The following IWS1 variants were observed in gnomAD, a reference collection of about 807,000 sequenced individuals.
IWS1 encodes protein IWS1 homolog.
In IWS1, 27 loss-of-function variants were observed where a neutral mutation model predicts 86.7. The ratio of observed to expected loss-of-function variants is 0.31; its 90% CI spans 0.23 to 0.43. The LOEUF is 0.43. Among genes scored for constraint, IWS1 ranks in the 20% least tolerant of loss-of-function variants. IWS1 has a pLI of 1.00. For missense variants in IWS1, 827 were observed against 1,000.8 expected (o/e 0.83, Z 2.34); for synonymous variants, 313 against 335.1 (o/e 0.93, Z 0.72).
chr2:127,517,364 T>C (rs1179086273), intron 2 of IWS1, among the ~76,000 whole-genome samples: 4 of 152,216 alleles, frequency 2.6e-5, no homozygotes, highest in African/African-American at 9.6e-5. Flanking sequence ...GCAATAGTAG[T>C]TAATACACTA....
Position 127,526,277 on chromosome 2 carries a change from T to C in IWS1, c.-69A>G. Reference sequence around the variant, plus strand: ...CCCCGTCACCTCCTTCCAGGCGGTGTGACCCCGGATGGCGCGGCTAAGTGT... The same window carrying C: ...CCCCGTCACCTCCTTCCAGGCGGTGCGACCCCGGATGGCGCGGCTAAGTGT... On this transcript the variant is annotated 5_prime_UTR_variant, in exon 1 of 14. Coordinates refer to ENST00000295321, the MANE Select transcript of IWS1 (RefSeq NM_017969.3). The C allele has an allele frequency of 6.5e-7, 1 of 1,546,124 alleles. No individual in the cohort carries two copies. The highest frequency in any genetic ancestry group is 8.7e-7 in the Non-Finnish European group (1 of 1,147,108).
chr2:127,490,646 G>A (rs1690178095), intron 10 of IWS1, among the ~76,000 whole-genome samples: 1 of 152,154 alleles, frequency 6.6e-6, no homozygotes, highest in African/African-American at 2.4e-5. Context: ...GGGGGTCCAC[G>A]TATCTTTTAA....
At position 127,526,319 on chromosome 2, in the gene IWS1, G is replaced by A. The variant is rs1692412988; in HGVS notation, c.-111C>T. On this transcript the variant is annotated 5_prime_UTR_variant, in exon 1 of 14. Transcript: ENST00000295321. ...GCTAAGTGTTCAGAGACTGCCGCCC[G>A]ACCGGAGAACTTAACGGGTGCGGAG... 2 of 1,540,202 alleles carry A rather than the reference G, an allele frequency of 1.3e-6. No individual in the cohort carries two copies. Among genetic ancestry groups the A allele is most frequent in the South Asian group, 1.2e-5 (1 of 83,944 alleles).
At chr2:127,526,043 G>T in intron 1 of IWS1, 132 bp downstream of exon 1, 1 of 795,520 alleles carries the variant, frequency 1.3e-6, no homozygotes, top group South Asian at 1.7e-5. Context: ...GAGGGCTCTT[G>T]CCCTCCTCGG....
intron 8 of IWS1, among the ~76,000 whole-genome samples, chr2:127,494,240 C>T (rs1263120961): frequency 3.6e-4 from 26 of 73,132 alleles, no homozygotes; most frequent in African/African-American, 1.4e-3. Flanking sequence ...GATCCTGTCT[C>T]TAATTAAAAA....
At chr2:127,517,036 A>G (rs948943771) in intron 2 of IWS1, among the ~76,000 whole-genome samples, 1 of 152,240 alleles carries the variant, frequency 6.6e-6, no homozygotes, top group African/African-American at 2.4e-5. Context: ...ATCAAAGAGA[A>G]TAACATAAAT....
chr2:127,512,450 C>T (rs1306093562), intron 2 of IWS1, among the ~76,000 whole-genome samples: 1 of 152,178 alleles, frequency 6.6e-6, no homozygotes, highest in Non-Finnish European at 1.5e-5. Context: ...ATCTGTCCTA[C>T]CACAAAAGGT....
At chr2:127,494,268 CA>C (rs1248349574) in intron 8 of IWS1, among the ~76,000 whole-genome samples, 1 of 85,424 alleles carries the variant, frequency 1.2e-5, no homozygotes, top group Non-Finnish European at 2.5e-5. Context: ...AAAAAAAAAG[CA>C]AATCAATGAA....
At chr2:127,521,275 A>AATAT (rs991309773) in intron 2 of IWS1, among the ~76,000 whole-genome samples, 6 of 152,164 alleles carry the variant, frequency 3.9e-5, no homozygotes, top group African/African-American at 1.4e-4. Flanking sequence ...AAAGACACAA[A>AATAT]ATATATATAA....
At chr2:127,511,053 G>A (rs1204968640) in intron 2 of IWS1, 2 of 152,162 alleles carry the variant, frequency 1.3e-5, no homozygotes, top group South Asian at 2.1e-4. Context: ...CTAACTTTGC[G>A]CCTTTACAAA....
intron 4 of IWS1, 87 bp from the exon 5 acceptor site, chr2:127,502,959 A>G: frequency 1.3e-6 from 1 of 760,798 alleles, no homozygotes; most frequent in Non-Finnish European, 2.3e-6. Context: ...ATTTATGTAC[A>G]GTAAAATGTG....
At chr2:127,482,065 T>C (rs750230213) in intron 13 of IWS1, among the ~76,000 whole-genome samples, 21 of 152,214 alleles carry the variant, frequency 1.4e-4, no homozygotes, top group Non-Finnish European at 2.6e-4. Context: ...TTGCTGACTC[T>C]GTTGTAAAAC....
rs1346400517 is a variant in IWS1, at chr2:127,504,920, T to C, written c.983A>G (p.Glu328Gly). Residue 328 changes from glutamate to glycine, a missense_variant, in exon 3 of 14, where the codon GAG (glutamate) becomes GGG (glycine). Transcript: ENST00000295321. ...EDASRHKQKP[E>G]SDDDSDRENK... is the part of the protein sequence containing the mutation. ...CTCCCTGTCGCTGTCATCATCTGAC[T>C]CTGGCTTCTGTTTGTGTCTGGACGC... The C allele has an allele frequency of 1.2e-6, 2 of 1,614,222 alleles. No individual in the cohort carries two copies. Among genetic ancestry groups the C allele is most frequent in the South Asian group, 1.1e-5 (1 of 91,088 alleles).
chr2:127,518,064 G>C (rs1311649174), intron 2 of IWS1, among the ~76,000 whole-genome samples: 2 of 152,198 alleles, frequency 1.3e-5, no homozygotes, highest in Non-Finnish European at 2.9e-5. Flanking sequence ...GGGGTGGGGA[G>C]GGGTAGGCAA....
chr2:127,526,428 G>T lies in IWS1; in HGVS notation c.-220C>A, dbSNP rs565971619. 5.9e-6 allele frequency: 9 copies of T among 1,535,644 alleles called. No individual in the cohort carries two copies. Among genetic ancestry groups the T allele is most frequent in the Non-Finnish European group, 7.9e-6 (9 of 1,144,558 alleles). ...GGCCGTACCCGGCAGGCTGGCGGGC[G>T]GGCAGGCATGCGAGCCGGCGTTCTA... On this transcript the variant is annotated 5_prime_UTR_variant, in exon 1 of 14. Coordinates refer to ENST00000295321, the MANE Select transcript of IWS1 (RefSeq NM_017969.3).
chr2:127,505,618 A>T lies in IWS1; in HGVS notation c.285T>A (p.Ser95=), dbSNP rs1691100071. Residue 95 remains serine (S), a synonymous_variant, in exon 3 of 14, where the codon TCT becomes TCA. Coordinates refer to ENST00000295321, the MANE Select transcript of IWS1 (RefSeq NM_017969.3). This position sits in a 1 kb window ranked among gnomAD's most constrained non-coding sequence, Gnocchi z 5.0. ...EELHRQKDSD[S]ESEERAEPPA... ...GAGGCTCTGCACGTTCCTCAGATTC[A>T]GAGTCGCTGTCCTTTTGCCTGTGAA... 2 of 1,613,430 alleles carry T rather than the reference A, an allele frequency of 1.2e-6. No individual in the cohort carries two copies. The highest frequency in any genetic ancestry group is 2.7e-5 in the African/African-American group (2 of 74,712).
chr2:127,519,634 C>A (rs945034378), intron 2 of IWS1, among the ~76,000 whole-genome samples: 64 of 151,898 alleles, frequency 4.2e-4, no homozygotes, highest in Admixed American at 4.1e-3. Flanking sequence ...CTTATGGTAG[C>A]AAAATAATGG....
chr2:127,485,239 T>C (rs747010292), intron 13 of IWS1, among the ~76,000 whole-genome samples: 28 of 151,854 alleles, frequency 1.8e-4, no homozygotes, highest in Non-Finnish European at 3.8e-4. Flanking sequence ...GGTAGGAGAG[T>C]GGAGTCAGTG....
In IWS1 at chr2:127,499,623, C is replaced by T. The variant is rs1395241407; in HGVS notation, c.1468-1386G>A. On this transcript the variant is annotated intron_variant, in intron 5 of 13. Coordinates refer to ENST00000295321, the MANE Select transcript of IWS1 (RefSeq NM_017969.3). This position sits in a 1 kb window ranked among gnomAD's most constrained non-coding sequence, Gnocchi z 4.0. The stretch of plus-strand genomic sequence containing the variant: ...TGAAGGCAGTGTCCAGTCTCTGAAA[C>T]ATTTGTTGAATGAATTCTTCCTTTA... Among the ~76,000 whole-genome samples, 2 of 152,176 alleles carry T rather than the reference C, an allele frequency of 1.3e-5. No homozygotes were observed. The highest frequency in any genetic ancestry group is 4.8e-5 in the African/African-American group (2 of 41,442).
Sources: allele counts gnomAD v4.1 joint callset (sites outside exome capture counted in the v4.1 genomes callset), GRCh38; gene constraint gnomAD v4.1.1; non-coding constraint Gnocchi (gnomAD v3.1); transcripts MANE v1.5; gene names NCBI Gene and HGNC (gene_info 2026-07-23, HGNC 2026-07-21).